MAP3K3: variants seen among roughly 807,000 people sequenced by gnomAD.
MAP3K3 encodes MAP/ERK kinase kinase 3.
Under a neutral mutation model 80.9 loss-of-function variants are expected in MAP3K3, and 12 were observed. That is an observed-to-expected ratio of 0.15 (90% CI 0.10 to 0.24). MAP3K3 has a LOEUF of 0.24. MAP3K3 is among the 10% of genes least tolerant of loss of function. The pLI is 1.00. For missense variants in MAP3K3, 596 were observed against 834.7 expected (o/e 0.71, Z 3.52); for synonymous variants, 272 against 307.1 (o/e 0.89, Z 1.19).
chr17:63,690,714 C>T (rs766044562), intron 12 of MAP3K3: 4 of 439,746 alleles, frequency 9.1e-6, no homozygotes, highest in Non-Finnish European at 1.7e-5. Flanking sequence ...ACAAGTATCT[C>T]TCCCCAGCTC....
At chr17:63,624,239 T>A (rs940990464) in intron 1 of MAP3K3, among the ~76,000 whole-genome samples, 1 of 152,232 alleles carries the variant, frequency 6.6e-6, no homozygotes, top group Non-Finnish European at 1.5e-5. Flanking sequence ...ATTCAAACAT[T>A]TATCTTGTAT....
chr17:63,689,259 G>A lies in MAP3K3; in HGVS notation c.872-285G>A. 3.7e-6 allele frequency: 2 copies of A among 533,508 alleles called. No homozygotes were observed. Among genetic ancestry groups the A allele is most frequent in the Non-Finnish European group, 6.7e-6 (2 of 299,304 alleles). The allele number at this position is 533,508 out of a possible 1,614,324, so 33.0% of individuals were successfully genotyped here. On this transcript the variant is annotated intron_variant, in intron 10 of 15. Transcript: ENST00000361733. This position sits in a 1 kb window ranked among gnomAD's most constrained non-coding sequence, Gnocchi z 4.3. Reference sequence around the variant, plus strand: ...CTTGCAAGCAATTGGGAGCCTGTTGGCCAGCCATACACCTTCCCTTTGGCC... The same window carrying A: ...CTTGCAAGCAATTGGGAGCCTGTTGACCAGCCATACACCTTCCCTTTGGCC...
chr17:63,693,859 TC>T lies in MAP3K3; in HGVS notation c.*85del. On this transcript the variant is annotated 3_prime_UTR_variant, in exon 16 of 16. Coordinates refer to ENST00000361733, the MANE Select transcript of MAP3K3 (RefSeq NM_002401.5). This position sits in a 1 kb window ranked among gnomAD's most constrained non-coding sequence, Gnocchi z 4.2. ...CTGGGCTCAGTGAAGTTGCTGCTTC[TC>T]CCAGGCAAGGCTGTGGACCATGGAG... The T allele has an allele frequency of 7.9e-7, 1 of 1,271,220 alleles. No individual in the cohort carries two copies. Among genetic ancestry groups the T allele is most frequent in the South Asian group, 1.3e-5 (1 of 76,324 alleles). 78.7% of individuals were successfully genotyped at this position (1,271,220 alleles called of 1,614,324 possible).
chr17:63,666,859 TC>T, intron 5 of MAP3K3, 80 bp from the exon 6 acceptor site: 1 of 1,528,626 alleles, frequency 6.5e-7, no homozygotes, highest in African/African-American at 1.4e-5. Flanking sequence ...CTGCAGGGAG[TC>T]CTTAGGAAAA....
intron 9 of MAP3K3, 33 bp from the exon 10 acceptor site, chr17:63,688,756 C>T (rs747221448): frequency 5.2e-6 from 8 of 1,532,346 alleles, no homozygotes; most frequent in Non-Finnish European, 7.2e-6. Context: ...CATTGACCTA[C>T]CCAGAAGCCA....
intron 7 of MAP3K3, 50 bp from the exon 8 acceptor site, chr17:63,685,467 G>T (rs771041240): frequency 4.1e-6 from 6 of 1,455,222 alleles, no homozygotes; most frequent in Admixed American, 1.7e-5. Flanking sequence ...TGGGTCACTG[G>T]GGGGAATTGG....
At chr17:63,662,650 ATTTTT>A (rs1192833142) in intron 5 of MAP3K3, among the ~76,000 whole-genome samples, 1 of 82,564 alleles carries the variant, frequency 1.2e-5, no homozygotes, top group Non-Finnish European at 2.2e-5. Context: ...AGAAGAGGGA[ATTTTT>A]TTTTTTTTTT....
intron 5 of MAP3K3, among the ~76,000 whole-genome samples, chr17:63,663,052 A>C (rs966568607): frequency 3.3e-5 from 5 of 152,082 alleles, no homozygotes; most frequent in Non-Finnish European, 7.3e-5. Context: ...AATCATTAGA[A>C]GCCAAGCAGA....
intron 3 of MAP3K3, among the ~76,000 whole-genome samples, chr17:63,651,309 C>T (rs1237176863): frequency 6.6e-6 from 1 of 152,056 alleles, no homozygotes; most frequent in Non-Finnish European, 1.5e-5. Context: ...CTTATTGAGG[C>T]CCATCCCTAC....
rs1166394252 is a variant in MAP3K3 at position 63,693,334 on chromosome 17, TTC to T, written c.1653-211_1653-210del. ...AGTTCTTTCTGTCAAGTCTAAGTGA[TTC>T]TCTTTTTCCTTATTTCAAGAAGTAC... On this transcript the variant is annotated intron_variant, in intron 15 of 15. Transcript: ENST00000361733. The surrounding 1 kb of genome is among the most constrained non-coding windows in gnomAD (Gnocchi z 4.2). Among the ~76,000 whole-genome samples, 3 of 152,184 alleles carry T rather than the reference TTC, an allele frequency of 2.0e-5. No homozygotes were observed. Among genetic ancestry groups the T allele is most frequent in the African/African-American group, 7.2e-5 (3 of 41,454 alleles).
intron 6 of MAP3K3, chr17:63,668,099 A>G (rs2035035084): frequency 6.6e-6 from 1 of 152,210 alleles, no homozygotes; most frequent in Non-Finnish European, 1.5e-5. Flanking sequence ...AATGTTGTGG[A>G]GACCCCTGCT....
intron 11 of MAP3K3, chr17:63,690,010 G>A: frequency 1.7e-6 from 1 of 580,100 alleles, no homozygotes; most frequent in Non-Finnish European, 3.0e-6. Context: ...GGCTTTGGAA[G>A]GAAATGCATT....
At chr17:63,676,092 A>G (rs2035214391) in intron 6 of MAP3K3, among the ~76,000 whole-genome samples, 1 of 152,150 alleles carries the variant, frequency 6.6e-6, no homozygotes, top group Admixed American at 6.5e-5. Context: ...TGGTTTGGGG[A>G]GACTTCCTTT....
intron 1 of MAP3K3, among the ~76,000 whole-genome samples, chr17:63,625,845 G>A (rs2034089262): frequency 6.6e-6 from 1 of 152,220 alleles, no homozygotes; most frequent in African/African-American, 2.4e-5. Context: ...GCTGAGACTG[G>A]TAGATCGCTT....
At chr17:63,640,901 A>G (rs973385175) in intron 2 of MAP3K3, among the ~76,000 whole-genome samples, 12 of 152,182 alleles carry the variant, frequency 7.9e-5, no homozygotes, top group Non-Finnish European at 1.3e-4. Flanking sequence ...GGTCCAGGAA[A>G]TACTTGAGCA....
chr17:63,650,656 T>TAGAGAGAGAGAGAGAG (rs1491589542), intron 3 of MAP3K3, among the ~76,000 whole-genome samples: 10 of 122,048 alleles, frequency 8.2e-5, no homozygotes, highest in African/African-American at 3.1e-4. Context: ...CTCTGTCTCT[T>TAGAGAGAGAGAGAGAG]ATAGAGAGAG....
rs370749424 is a variant in MAP3K3, at chr17:63,690,419, T to G, written c.1212+7T>G. On this transcript the variant is annotated splice_region_variant and intron_variant, in intron 12 of 15. Coordinates refer to ENST00000361733, the MANE Select transcript of MAP3K3 (RefSeq NM_002401.5). ...CAGTCCTGAGACAAGCAAGGTACAC[T>G]TAACCCGTGGTCTGACTTCAGTTCC... The G allele has an allele frequency of 9.3e-6, 15 of 1,612,742 alleles. No individual in the cohort carries two copies. The highest frequency in any genetic ancestry group is 1.1e-5 in the Non-Finnish European group (13 of 1,179,340).
At chr17:63,664,548 G>A in intron 5 of MAP3K3, among the ~76,000 whole-genome samples, 1 of 152,076 alleles carries the variant, frequency 6.6e-6, no homozygotes, top group East Asian at 1.9e-4. Context: ...ATTTGTGGGT[G>A]GACTTTTGTA....
chr17:63,684,665 AT>A (rs977078279), intron 7 of MAP3K3, among the ~76,000 whole-genome samples: 3 of 152,188 alleles, frequency 2.0e-5, no homozygotes, highest in Admixed American at 1.3e-4. Flanking sequence ...AATTAAAAAA[AT>A]ATTTAAACAG....
Sources: gnomAD v4.1 joint callset for allele counts (sites outside exome capture counted in the v4.1 genomes callset) on GRCh38, gnomAD v4.1.1 for gene constraint, Gnocchi (gnomAD v3.1) non-coding constraint, MANE v1.5 for transcripts, NCBI Gene and HGNC (gene_info 2026-07-23, HGNC 2026-07-21) for gene names.